CDH12: variants seen among roughly 807,000 people sequenced by gnomAD.
The protein encoded by CDH12 is cadherin-12.
CDH12 carries 41 observed loss-of-function variants against 74.1 expected under a neutral mutation model. That is an observed-to-expected ratio of 0.55 (90% CI 0.43 to 0.72). CDH12 has a LOEUF of 0.72. Among genes scored for constraint, CDH12 ranks in the 30% least tolerant of loss-of-function variants. CDH12 has a pLI of 0.00. For missense variants in CDH12, 945 were observed against 977.2 expected (o/e 0.97, Z 0.44); for synonymous variants, 399 against 355.0 (o/e 1.12, Z -1.39).
At chr5:22,715,715 C>T (rs547108759) in intron 1 of CDH12, among the ~76,000 whole-genome samples, 29 of 150,148 alleles carry the variant, frequency 1.9e-4, no homozygotes, top group South Asian at 4.2e-4. Flanking sequence ...GCAGGAGAAT[C>T]GCTTGAACCC....
chr5:21,773,154 C>T (rs182730833), intron 11 of CDH12, among the ~76,000 whole-genome samples: 25 of 152,158 alleles, frequency 1.6e-4, no homozygotes, highest in Admixed American at 1.0e-3. Flanking sequence ...CAGTGCTTTA[C>T]GAAATGATGT....
At chr5:22,330,726 G>T (rs1420663947) in intron 3 of CDH12, among the ~76,000 whole-genome samples, 1 of 126,690 alleles carries the variant, frequency 7.9e-6, no homozygotes, top group East Asian at 2.4e-4. Context: ...ACTCCAGCCT[G>T]ACAACAGAGC....
rs752782183 is a variant in CDH12, at chr5:22,705,130, T to TATACACAC, written c.-523+147927_-523+147928insGTGTGTAT. On this transcript the variant is annotated intron_variant, in intron 1 of 14. Transcript: ENST00000382254. ...CCCCACCCAGTCATATATATATATA[T>TATACACAC]ACACACACACACACACACACACACA... is the stretch of plus-strand genomic sequence containing the variant. Among the ~76,000 whole-genome samples the TATACACAC allele has an allele frequency of 4.9e-4, 61 of 125,616 alleles. 1 individual carries two copies. Among genetic ancestry groups the TATACACAC allele is most frequent in the East Asian group, 7.0e-4 (3 of 4,256 alleles). 82.4% of individuals were successfully genotyped at this position (125,616 alleles called of 152,430 possible). A position where few individuals can be genotyped will look rare whatever the true frequency, so the allele number is the denominator to read the frequency against.
Position 22,304,978 on chromosome 5 carries a change from G to C in CDH12, c.-332-92335C>G, listed in dbSNP as rs180757005. On this transcript the variant is annotated intron_variant, in intron 3 of 14. Transcript: ENST00000382254. ...CTAGAAGGCCCCAAGGTGTGTGGCAGAGTCAATTCATAAATATTCAAATGC... is the reference window on the plus strand; with the variant it reads ...CTAGAAGGCCCCAAGGTGTGTGGCACAGTCAATTCATAAATATTCAAATGC... Among the ~76,000 whole-genome samples, 118 of 152,302 alleles carry C rather than the reference G, an allele frequency of 7.7e-4. 1 individual carries two copies. Among genetic ancestry groups the C allele is most frequent in the African/African-American group, 2.8e-3 (116 of 41,566 alleles).
At chr5:22,527,946 T>C (rs1328118364) in intron 1 of CDH12, among the ~76,000 whole-genome samples, 1 of 152,160 alleles carries the variant, frequency 6.6e-6, no homozygotes, top group Non-Finnish European at 1.5e-5. Context: ...GGTTCATATT[T>C]ATGTTGCACC....
chr5:21,936,138 C>T (rs1355612825), intron 6 of CDH12, among the ~76,000 whole-genome samples: 1 of 152,048 alleles, frequency 6.6e-6, no homozygotes, highest in Non-Finnish European at 1.5e-5. Flanking sequence ...CATATGATAG[C>T]TCAATTTTTG....
chr5:21,942,347 T>TACACAC (rs70957081), intron 6 of CDH12, among the ~76,000 whole-genome samples: 8 of 129,676 alleles, frequency 6.2e-5, no homozygotes, highest in African/African-American at 2.2e-4. Context: ...TATATATATA[T>TACACAC]ACACACACAC....
chr5:21,833,458 A>G (rs914213443), intron 8 of CDH12, among the ~76,000 whole-genome samples: 12 of 121,740 alleles, frequency 9.9e-5, no homozygotes, highest in African/African-American at 2.5e-4. Context: ...TTAATATATG[A>G]TATATATTAT....
intron 1 of CDH12, among the ~76,000 whole-genome samples, chr5:22,521,151 T>A (rs1737039330): frequency 6.6e-6 from 1 of 152,068 alleles, no homozygotes; most frequent in Non-Finnish European, 1.5e-5. Context: ...AAGTGTTGTG[T>A]ATCTTATCAG....
intron 1 of CDH12, chr5:22,639,050 C>CAAAAAAAAAAAAAAA (rs545549665): frequency 3.1e-5 from 2 of 64,270 alleles, no homozygotes; most frequent in Non-Finnish European, 2.9e-5. Flanking sequence ...GAGTCCGCCT[C>CAAAAAAAAAAAAAAA]AAAAAAAAAA....
intron 5 of CDH12, among the ~76,000 whole-genome samples, chr5:21,983,474 C>T (rs1017097578): frequency 1.3e-5 from 2 of 152,062 alleles, no homozygotes; most frequent in Non-Finnish European, 2.9e-5. Context: ...ATTTAGAACA[C>T]TGTCTCCGAG....
At chr5:22,812,890 A>G (rs1749217912) in intron 1 of CDH12, among the ~76,000 whole-genome samples, 1 of 152,132 alleles carries the variant, frequency 6.6e-6, no homozygotes, top group Non-Finnish European at 1.5e-5. Context: ...CTGGTATTCA[A>G]GAGATGTGTG....
At chr5:21,986,374 TCA>T (rs1408873154) in intron 5 of CDH12, among the ~76,000 whole-genome samples, 1 of 152,170 alleles carries the variant, frequency 6.6e-6, no homozygotes, top group African/African-American at 2.4e-5. Flanking sequence ...TCCTATTTCC[TCA>T]GATTGTCATA....
chr5:22,380,936 A>AT (rs1307012708), intron 3 of CDH12, among the ~76,000 whole-genome samples: 2 of 152,160 alleles, frequency 1.3e-5, no homozygotes, highest in Non-Finnish European at 2.9e-5. Flanking sequence ...CACAATAAAT[A>AT]TATGTATACA....
chr5:22,471,043 T>C (rs1745938557), intron 2 of CDH12, among the ~76,000 whole-genome samples: 1 of 152,152 alleles, frequency 6.6e-6, no homozygotes. Context: ...CAATTCCCTC[T>C]CTCACTTTCA....
At chr5:22,557,392 G>A (rs1043396757) in intron 1 of CDH12, among the ~76,000 whole-genome samples, 1 of 152,050 alleles carries the variant, frequency 6.6e-6, no homozygotes, top group African/African-American at 2.4e-5. Context: ...TCACCAAGGA[G>A]GTCTTACCCG....
At chr5:22,051,619 A>C (rs975906679) in intron 5 of CDH12, among the ~76,000 whole-genome samples, 6 of 152,138 alleles carry the variant, frequency 3.9e-5, no homozygotes, top group African/African-American at 1.4e-4. Context: ...TGAAATAATA[A>C]TATACATGTG....
intron 1 of CDH12, among the ~76,000 whole-genome samples, chr5:22,822,498 A>C (rs908303727): frequency 2.0e-5 from 3 of 152,222 alleles, no homozygotes; most frequent in Admixed American, 6.5e-5. Flanking sequence ...CAAAGGGCTA[A>C]TATCCAGAAT....
rs560317197 is a variant in CDH12, at chr5:21,861,199, C to T, written c.527-6409G>A. On this transcript the variant is annotated intron_variant, in intron 6 of 14. Coordinates refer to ENST00000382254, the MANE Select transcript of CDH12 (RefSeq NM_004061.5). ...CTCCTGTGGGGTTTAACTACCCTTT[C>T]TACATTGATTTATTTTTATCTCATT... 5.9e-5 allele frequency among the ~76,000 whole-genome samples: 9 copies of T among 151,824 alleles called. No individual in the cohort carries two copies. In the South Asian group the frequency reaches 1.7e-3, roughly 28 times the overall value.
Sources: gnomAD v4.1 joint callset for allele counts (sites outside exome capture counted in the v4.1 genomes callset) on GRCh38, gnomAD v4.1.1 for gene constraint, MANE v1.5 for transcripts, NCBI Gene and HGNC (gene_info 2026-07-23, HGNC 2026-07-21) for gene names.